RPH3A: variants seen among roughly 807,000 people sequenced by gnomAD.
RPH3A encodes rabphilin-3A.
A neutral mutation model predicts 102.2 loss-of-function variants in RPH3A; 48 were observed. That is an observed-to-expected ratio of 0.47 (90% CI 0.37 to 0.60). The LOEUF (loss-of-function observed/expected upper bound fraction) is 0.60, where lower values mean the gene tolerates loss of function less well. RPH3A is among the 20% of genes least tolerant of loss of function. RPH3A has a pLI of 0.00. For synonymous variants in RPH3A, 310 were observed against 324.3 expected, an observed-to-expected ratio of 0.96 and a Z score of 0.47; for missense variants, 781 against 910.1, an observed-to-expected ratio of 0.86 and a Z score of 1.83.
chr12:112,812,703 C>T (rs1051373379), intron 2 of RPH3A, among the ~76,000 whole-genome samples: 4 of 152,214 alleles, frequency 2.6e-5, no homozygotes, highest in Admixed American at 6.5e-5. Context: ...CTCTCTCCCT[C>T]TCTCCCTCAC....
chr12:112,657,629 G>C (rs2040022262), intron 1 of RPH3A, among the ~76,000 whole-genome samples: 1 of 152,046 alleles, frequency 6.6e-6, no homozygotes, highest in African/African-American at 2.4e-5. Flanking sequence ...TAACCTTATG[G>C]GATCACTATT....
intron 1 of RPH3A, among the ~76,000 whole-genome samples, chr12:112,583,591 G>C (rs1185804382): frequency 6.6e-6 from 1 of 152,174 alleles, no homozygotes; most frequent in Non-Finnish European, 1.5e-5. Context: ...TGCATTAAAA[G>C]CCAGGAGACT....
At chr12:112,705,947 A>C (rs2040424659) in intron 1 of RPH3A, among the ~76,000 whole-genome samples, 1 of 152,168 alleles carries the variant, frequency 6.6e-6, no homozygotes, top group Admixed American at 6.6e-5. Flanking sequence ...AGACTCTATT[A>C]GGTGCTGGGA....
chr12:112,852,385 G>T (rs1191882667), intron 5 of RPH3A, among the ~76,000 whole-genome samples: 1 of 152,154 alleles, frequency 6.6e-6, no homozygotes. Flanking sequence ...GAGGAGGAAG[G>T]CATTATTGGT....
intron 5 of RPH3A, among the ~76,000 whole-genome samples, chr12:112,859,967 C>A (rs992738438): frequency 6.6e-6 from 1 of 152,160 alleles, no homozygotes. Context: ...CGGGCACTGG[C>A]GTTTTTCTTA....
chr12:112,600,937 A>G (rs2039554076), intron 1 of RPH3A, among the ~76,000 whole-genome samples: 1 of 152,200 alleles, frequency 6.6e-6, no homozygotes, highest in Non-Finnish European at 1.5e-5. Context: ...TCACCTCTTC[A>G]CAGGACGGCA....
chr12:112,714,144 G>T (rs2040498964), intron 1 of RPH3A, among the ~76,000 whole-genome samples: 1 of 152,120 alleles, frequency 6.6e-6, no homozygotes, highest in Non-Finnish European at 1.5e-5. Flanking sequence ...TCTATCCCGT[G>T]GGTTCAGAAG....
intron 6 of RPH3A, 159 bp downstream of exon 6, chr12:112,865,702 A>G: frequency 1.4e-6 from 1 of 702,002 alleles, no homozygotes; most frequent in Non-Finnish European, 2.2e-6. Flanking sequence ...TCCATGCCCT[A>G]CTGTCTTCCA....
intron 21 of RPH3A, 49 bp downstream of exon 21, chr12:112,895,922 A>G: frequency 1.6e-6 from 2 of 1,287,882 alleles, no homozygotes; most frequent in Non-Finnish European, 2.3e-6. Context: ...TCCTCCCCAG[A>G]ACAGGAGAGC....
chr12:112,707,768 AT>A (rs559091617), intron 1 of RPH3A, among the ~76,000 whole-genome samples: 50 of 152,360 alleles, frequency 3.3e-4, no homozygotes, highest in African/African-American at 8.7e-4. Context: ...TCCTAACTTC[AT>A]TTACTTTTCT....
At chr12:112,874,445 C>A (rs1447581641) in intron 10 of RPH3A, among the ~76,000 whole-genome samples, 1 of 152,134 alleles carries the variant, frequency 6.6e-6, no homozygotes, top group East Asian at 1.9e-4. Context: ...TAAAGAAGTT[C>A]TTATATGTAA....
At chr12:112,746,954 G>A (rs945528921) in intron 1 of RPH3A, among the ~76,000 whole-genome samples, 3 of 152,182 alleles carry the variant, frequency 2.0e-5, no homozygotes, top group African/African-American at 7.2e-5. Flanking sequence ...CATTGCAGGT[G>A]TTCTTCCACT....
chr12:112,866,724 CA>C (rs776360317), intron 6 of RPH3A, 32 bp from the exon 7 acceptor site: 19 of 1,585,194 alleles, frequency 1.2e-5, no homozygotes, highest in Non-Finnish European at 1.6e-5. Flanking sequence ...GAGCATGGCT[CA>C]TCTGAGTGTG....
intron 10 of RPH3A, among the ~76,000 whole-genome samples, chr12:112,872,933 C>T (rs1180405279): frequency 2.0e-5 from 3 of 152,174 alleles, no homozygotes; most frequent in Non-Finnish European, 4.4e-5. Flanking sequence ...AGACGCAGCC[C>T]TAATGCAGGA....
At chr12:112,724,379 A>T (rs1373512480) in intron 1 of RPH3A, among the ~76,000 whole-genome samples, 1 of 152,062 alleles carries the variant, frequency 6.6e-6, no homozygotes, top group African/African-American at 2.4e-5. Context: ...TTTTTTTAAT[A>T]TTTTTTGGCA....
chr12:112,854,148 A>C (rs1471315435), intron 5 of RPH3A, among the ~76,000 whole-genome samples: 1 of 152,202 alleles, frequency 6.6e-6, no homozygotes, highest in Non-Finnish European at 1.5e-5. Context: ...GTTCAGCAGC[A>C]TCTCTGGTCT....
chr12:112,630,487 C>G (rs532395282), intron 1 of RPH3A, among the ~76,000 whole-genome samples: 1 of 152,266 alleles, frequency 6.6e-6, no homozygotes, highest in African/African-American at 2.4e-5. Flanking sequence ...GAGTTGGTGT[C>G]ATCTTGAGAC....
chr12:112,620,589 A>C (rs1422576095), intron 1 of RPH3A, among the ~76,000 whole-genome samples: 3 of 152,206 alleles, frequency 2.0e-5, no homozygotes, highest in Non-Finnish European at 4.4e-5. Flanking sequence ...CTAGACCTGC[A>C]CAGCTAACTG....
Position 112,894,604 on chromosome 12 carries a change from A to G in RPH3A, c.1802A>G (p.Lys601Arg). The G allele has an allele frequency of 6.2e-7, 1 of 1,614,036 alleles. No individual in the cohort carries two copies. The highest frequency in any genetic ancestry group is 8.5e-7 in the Non-Finnish European group (1 of 1,179,978). The change falls in exon 20 of 22, where the codon AAG becomes AGG. Residue 601 changes from lysine (K) to arginine (R), a missense_variant. This residue lies in a region of RPH3A where 730 missense variants were observed against 810.0 expected (regional missense o/e 0.90). Transcript: ENST00000389385. Reference sequence around the variant, plus strand: ...TGGCTGAAACCGGACATGGGAAAGAAGGCCAAACACAAGACTCAAATTAAA... The same window carrying G: ...TGGCTGAAACCGGACATGGGAAAGAGGGCCAAACACAAGACTCAAATTAAA... The part of the protein sequence containing the change: ...KLWLKPDMGK[K>R]AKHKTQIKKK...
Sources: allele counts gnomAD v4.1 joint callset (sites outside exome capture counted in the v4.1 genomes callset), GRCh38; gene constraint gnomAD v4.1.1; regional missense constraint gnomAD v4.1.1; transcripts MANE v1.5; gene names NCBI Gene and HGNC (gene_info 2026-07-23, HGNC 2026-07-21).